Variants in NLGN1 observed in about 807,000 individuals in gnomAD.
NLGN1 encodes the protein neuroligin-1.
Under a neutral mutation model 65.5 loss-of-function variants are expected in NLGN1, and 12 were observed. The observed-to-expected ratio is 0.18, with a 90% CI of 0.12 to 0.30. The LOEUF (loss-of-function observed/expected upper bound fraction) is 0.30. Among genes scored for constraint, NLGN1 ranks in the 10% least tolerant of loss-of-function variants. NLGN1 has a pLI of 1.00. For synonymous variants in NLGN1, 350 were observed against 359.5 expected, an observed-to-expected ratio of 0.97 and a Z score of 0.30; for missense variants, 750 against 1,007.1, an observed-to-expected ratio of 0.74 and a Z score of 3.46.
intron 2 of NLGN1, among the ~76,000 whole-genome samples, chr3:173,524,683 T>A (rs1158172659): frequency 2.0e-5 from 3 of 152,234 alleles, no homozygotes; most frequent in Non-Finnish European, 4.4e-5. Context: ...CCATTCATTA[T>A]GATGTTGGTT....
chr3:174,240,315 C>A (rs1384126104), intron 4 of NLGN1, among the ~76,000 whole-genome samples: 1 of 146,276 alleles, frequency 6.8e-6, no homozygotes, highest in South Asian at 2.3e-4. Flanking sequence ...ACATATAGAT[C>A]TAACTTTAGA....
At chr3:173,622,142 TC>T (rs1477866872) in intron 3 of NLGN1, among the ~76,000 whole-genome samples, 1 of 152,124 alleles carries the variant, frequency 6.6e-6, no homozygotes, top group Non-Finnish European at 1.5e-5. Flanking sequence ...CATAATCCTT[TC>T]TTTTTAAAGG....
chr3:174,001,766 A>G (rs1321543532), intron 4 of NLGN1, among the ~76,000 whole-genome samples: 2 of 152,124 alleles, frequency 1.3e-5, no homozygotes, highest in South Asian at 2.1e-4. Flanking sequence ...TGGTGGTGAC[A>G]AGGAAATGGG....
intron 4 of NLGN1, among the ~76,000 whole-genome samples, chr3:174,036,672 A>T (rs1731205671): frequency 6.9e-6 from 1 of 145,198 alleles, no homozygotes; most frequent in Non-Finnish European, 1.5e-5. Context: ...GTGTCGTGGG[A>T]GTTCATTGTA....
chr3:174,275,276 G>A lies in NLGN1; in HGVS notation c.647-39G>A, dbSNP rs754048416. On this transcript the variant is annotated intron_variant, in intron 4 of 6. Transcript: ENST00000457714. ...TAAATTTGATGTCTATTTGATTCAC[G>A]TCAGCTCAAAACGTGTTTTCTAAAT... 1.6e-5 allele frequency: 24 copies of A among 1,478,494 alleles called. No homozygotes were observed. The Middle Eastern group carries it at 5.2e-4, about 32-fold the overall frequency. 91.6% of individuals were successfully genotyped at this position (1,478,494 alleles called of 1,614,324 possible). A position where few individuals can be genotyped will look rare whatever the true frequency, so the allele number is the denominator to read the frequency against.
At chr3:173,652,909 C>G (rs1235601470) in intron 3 of NLGN1, among the ~76,000 whole-genome samples, 2 of 152,094 alleles carry the variant, frequency 1.3e-5, no homozygotes, top group African/African-American at 4.8e-5. Flanking sequence ...TTGGTGTCCT[C>G]TATGATTTCT....
chr3:174,259,551 C>T (rs1469003332), intron 4 of NLGN1, among the ~76,000 whole-genome samples: 1 of 151,560 alleles, frequency 6.6e-6, no homozygotes, highest in Non-Finnish European at 1.5e-5. Context: ...GACACAATGT[C>T]CTCTATTTCA....
chr3:173,862,956 G>A (rs1485891772), intron 4 of NLGN1, among the ~76,000 whole-genome samples: 1 of 152,120 alleles, frequency 6.6e-6, no homozygotes, highest in Non-Finnish European at 1.5e-5. Flanking sequence ...AAATAGTTCT[G>A]TAGTGAGTTA....
chr3:173,604,984 T>G (rs1312834967), exon 3 of NLGN1: 1 of 1,613,690 alleles, frequency 6.2e-7, no homozygotes, highest in East Asian at 2.2e-5. Context: ...TTGCCAGAAG[T>G]CATGCTTCCT....
intron 4 of NLGN1, among the ~76,000 whole-genome samples, chr3:173,939,943 C>T (rs1286033897): frequency 6.6e-6 from 1 of 151,922 alleles, no homozygotes; most frequent in African/African-American, 2.4e-5. Flanking sequence ...ATCACTCGGT[C>T]TTAAACAAAA....
At chr3:174,150,807 C>T (rs1416011325) in intron 4 of NLGN1, among the ~76,000 whole-genome samples, 1 of 152,040 alleles carries the variant, frequency 6.6e-6, no homozygotes, top group Non-Finnish European at 1.5e-5. Context: ...AATACAGTGG[C>T]ATAGGAAAAC....
intron 4 of NLGN1, among the ~76,000 whole-genome samples, chr3:174,146,093 TTTCCTTCC>T (rs35623695): frequency 0.048 from 5,993 of 125,128 alleles, 172 homozygotes; most frequent in East Asian, 0.08. Context: ...ATTCTACTCT[TTTCCTTCC>T]TTCCTTCCTT....
chr3:173,480,871 T>A (rs1727165879), intron 2 of NLGN1, among the ~76,000 whole-genome samples: 1 of 152,078 alleles, frequency 6.6e-6, no homozygotes, highest in African/African-American at 2.4e-5. Context: ...TAAAGTAAGA[T>A]CAATTGGGTA....
chr3:173,402,165 G>A (rs1252584716), intron 1 of NLGN1, among the ~76,000 whole-genome samples: 3 of 152,112 alleles, frequency 2.0e-5, no homozygotes, highest in African/African-American at 7.2e-5. Context: ...GTAAAATAAT[G>A]GATTCTGGTA....
chr3:174,109,743 G>A (rs916234914), intron 4 of NLGN1, among the ~76,000 whole-genome samples: 8 of 152,056 alleles, frequency 5.3e-5, no homozygotes, highest in African/African-American at 2.4e-5. Context: ...AAGCAAAGAT[G>A]TGAAGATATT....
intron 4 of NLGN1, among the ~76,000 whole-genome samples, chr3:173,812,771 A>ATATG (rs1266011716): frequency 6.9e-6 from 1 of 144,406 alleles, no homozygotes; most frequent in African/African-American, 2.5e-5. Context: ...ATATATATAT[A>ATATG]TGTGTGTGTA....
At chr3:174,147,778 C>T (rs1045490542) in intron 4 of NLGN1, among the ~76,000 whole-genome samples, 6 of 152,024 alleles carry the variant, frequency 3.9e-5, no homozygotes, top group African/African-American at 1.4e-4. Context: ...CTGCTGAAAT[C>T]AGAGGAAGAA....
In NLGN1 at chr3:173,989,751, C is replaced by T. The variant is rs562614383; in HGVS notation, c.646+181919C>T. Among the ~76,000 whole-genome samples the T allele has an allele frequency of 7.2e-5, 11 of 152,268 alleles. No homozygotes were observed. The South Asian group carries it at 1.0e-3, about 14-fold the overall frequency. On this transcript the variant is annotated intron_variant, in intron 4 of 6. Transcript: ENST00000457714. ...GTAATCAAAGACCTTCTCCTCCCAC[C>T]CTTCCTTTTCCCCGTGCTCAGCATT... is the stretch of plus-strand genomic sequence containing the variant.
At chr3:173,492,190 G>A (rs1458042204) in intron 2 of NLGN1, among the ~76,000 whole-genome samples, 1 of 151,820 alleles carries the variant, frequency 6.6e-6, no homozygotes, top group Non-Finnish European at 1.5e-5. Context: ...AAGGAAAAAT[G>A]CACGAAAAGT....
Sources: allele counts gnomAD v4.1 joint callset (sites outside exome capture counted in the v4.1 genomes callset), GRCh38; gene constraint gnomAD v4.1.1; transcripts MANE v1.5; gene names NCBI Gene and HGNC (gene_info 2026-07-23, HGNC 2026-07-21).